Variants in PAX3 observed in about 807,000 individuals in gnomAD.
PAX3 encodes the protein paired box protein Pax-3.
Under a neutral mutation model 51.6 loss-of-function variants are expected in PAX3, and 14 were observed. That is an observed-to-expected ratio of 0.27 (90% CI 0.18 to 0.42). PAX3 has a LOEUF of 0.42. PAX3 is among the 10% of genes least tolerant of loss of function. PAX3 has a pLI of 1.00. For missense variants in PAX3, 540 were observed against 642.8 expected (o/e 0.84, Z 1.73); for synonymous variants, 280 against 253.4 (o/e 1.11, Z -1.00).
At chr2:222,297,255 G>A (rs1559320920) in intron 1 of PAX3, 42 bp from the exon 2 acceptor site, 1 of 1,437,788 alleles carries the variant, frequency 7.0e-7, no homozygotes, top group Non-Finnish European at 9.6e-7. Flanking sequence ...AAAGTCACTG[G>A]AGGAAAATAA....
chr2:222,284,357 A>G (rs922346297), intron 4 of PAX3, among the ~76,000 whole-genome samples: 1 of 152,210 alleles, frequency 6.6e-6, no homozygotes, highest in Non-Finnish European at 1.5e-5. Context: ...TGCTGAAAAA[A>G]CTTGTGCCAA....
chr2:222,241,585 C>T (rs578004394), intron 4 of PAX3, among the ~76,000 whole-genome samples: 1 of 152,200 alleles, frequency 6.6e-6, no homozygotes, highest in Non-Finnish European at 1.5e-5. Flanking sequence ...GCTAAAGAGA[C>T]AAATCATACA....
intron 4 of PAX3, among the ~76,000 whole-genome samples, chr2:222,251,524 C>G (rs941026434): frequency 2.5e-4 from 38 of 152,052 alleles, no homozygotes; most frequent in Admixed American, 2.5e-3. Flanking sequence ...GGACATTTGG[C>G]TTGGTTCCAA....
At chr2:222,283,566 T>G (rs1472855238) in intron 4 of PAX3, among the ~76,000 whole-genome samples, 3 of 152,116 alleles carry the variant, frequency 2.0e-5, no homozygotes, top group Non-Finnish European at 4.4e-5. Flanking sequence ...TCAACAAGAG[T>G]GCAATCTTCA....
chr2:222,237,432 A>G (rs1458019513), intron 4 of PAX3, among the ~76,000 whole-genome samples: 1 of 151,920 alleles, frequency 6.6e-6, no homozygotes, highest in Non-Finnish European at 1.5e-5. Flanking sequence ...GCTAATCACC[A>G]CTATTGCTAC....
At chr2:222,258,132 A>C (rs1693715610) in intron 4 of PAX3, among the ~76,000 whole-genome samples, 5 of 152,238 alleles carry the variant, frequency 3.3e-5, no homozygotes, top group Admixed American at 3.3e-4. Context: ...CAAAAATAAA[A>C]GCAAACCCGA....
chr2:222,283,769 C>T (rs1677751737), intron 4 of PAX3, among the ~76,000 whole-genome samples: 2 of 152,344 alleles, frequency 1.3e-5, no homozygotes, highest in South Asian at 4.1e-4. Context: ...AAGCCTAAGC[C>T]GCAACAGCTG....
chr2:222,251,567 C>T (rs1693433833), intron 4 of PAX3, among the ~76,000 whole-genome samples: 2 of 152,154 alleles, frequency 1.3e-5, no homozygotes, highest in Admixed American at 6.5e-5. Context: ...CCACAATAAA[C>T]ATACATGTGC....
chr2:222,202,519 GA>G (rs940783616), intron 7 of PAX3, among the ~76,000 whole-genome samples: 2 of 151,624 alleles, frequency 1.3e-5, no homozygotes, highest in South Asian at 2.1e-4. Flanking sequence ...AAAGAAGGGG[GA>G]AAAAAGGATG....
chr2:222,250,015 A>T (rs980461569), intron 4 of PAX3, among the ~76,000 whole-genome samples: 1 of 152,196 alleles, frequency 6.6e-6, no homozygotes, highest in African/African-American at 2.4e-5. Context: ...GGTCATGGAT[A>T]GTTCAGAGAA....
intron 7 of PAX3, among the ~76,000 whole-genome samples, chr2:222,202,580 C>T (rs754615620): frequency 5.3e-5 from 8 of 151,990 alleles, no homozygotes; most frequent in Non-Finnish European, 7.4e-5. Context: ...TCTATTCATA[C>T]ATTATATCTG....
At position 222,232,075 on chromosome 2, in the gene PAX3, T is replaced by C; in HGVS notation, c.792+3A>G. 1 of 1,613,520 alleles carries C rather than the reference T, an allele frequency of 6.2e-7. No homozygotes were observed. Among genetic ancestry groups the C allele is most frequent in the Non-Finnish European group, 8.5e-7 (1 of 1,179,774 alleles). ...TAGGACACGGAGGTTTGGGCAACAG[T>C]ACCTGTACTCGGGCCTCGGTGAGCT... On this transcript the variant is annotated splice_donor_region_variant and intron_variant, in intron 5 of 8. Transcript: ENST00000392070.
At chr2:222,280,812 T>C (rs1333956756) in intron 4 of PAX3, among the ~76,000 whole-genome samples, 6 of 152,208 alleles carry the variant, frequency 3.9e-5, no homozygotes, top group South Asian at 2.1e-4. Context: ...GAATTGCCTG[T>C]ATAATGGGGA....
At chr2:222,256,243 C>T (rs986611179) in intron 4 of PAX3, among the ~76,000 whole-genome samples, 2 of 152,054 alleles carry the variant, frequency 1.3e-5, no homozygotes, top group African/African-American at 2.4e-5. Context: ...AAGGCAGATC[C>T]TTGTAAGGGT....
chr2:222,237,328 A>G (rs1255374165), intron 4 of PAX3, among the ~76,000 whole-genome samples: 2 of 70,298 alleles, frequency 2.8e-5, no homozygotes, highest in African/African-American at 1.1e-4. Context: ...TATCACATGC[A>G]CACACACACA....
intron 7 of PAX3, among the ~76,000 whole-genome samples, chr2:222,202,810 TC>T (rs1330567286): frequency 6.6e-6 from 1 of 151,144 alleles, no homozygotes; most frequent in Non-Finnish European, 1.5e-5. Context: ...TATTTACCCC[TC>T]CCACTGTATA....
chr2:222,253,552 A>G (rs1345748251), intron 4 of PAX3, among the ~76,000 whole-genome samples: 1 of 152,158 alleles, frequency 6.6e-6, no homozygotes, highest in East Asian at 1.9e-4. Flanking sequence ...ACAACCTACA[A>G]CATACATACA....
intron 4 of PAX3, among the ~76,000 whole-genome samples, chr2:222,238,645 A>G (rs1385422868): frequency 6.6e-6 from 1 of 152,106 alleles, no homozygotes; most frequent in Non-Finnish European, 1.5e-5. Context: ...GTCATAATTT[A>G]TTTACTATAA....
intron 4 of PAX3, among the ~76,000 whole-genome samples, chr2:222,265,546 G>C (rs764166203): frequency 7.2e-5 from 11 of 151,998 alleles, no homozygotes; most frequent in African/African-American, 1.9e-4. Flanking sequence ...CTAGCAACTC[G>C]GGAGGCTGAG....
Sources: gnomAD v4.1 joint callset for allele counts (sites outside exome capture counted in the v4.1 genomes callset) on GRCh38, gnomAD v4.1.1 for gene constraint, MANE v1.5 for transcripts, NCBI Gene and HGNC (gene_info 2026-07-23, HGNC 2026-07-21) for gene names.